The following ZNF385D variants were observed in gnomAD, a reference collection of about 807,000 sequenced individuals.
ZNF385D encodes zinc finger protein 659.
In ZNF385D, 15 loss-of-function variants were observed where a neutral mutation model predicts 35.8. The ratio of observed to expected loss-of-function variants is 0.42; its 90% CI spans 0.28 to 0.64. The LOEUF (loss-of-function observed/expected upper bound fraction) is 0.64, where lower values mean the gene tolerates loss of function less well. Ranked by LOEUF, ZNF385D falls within the 30% of genes least tolerant of loss-of-function variation. The pLI is 0.23. For missense variants in ZNF385D, 474 were observed against 494.6 expected (o/e 0.96, Z 0.39); for synonymous variants, 212 against 186.8 (o/e 1.13, Z -1.10).
intron 1 of ZNF385D, among the ~76,000 whole-genome samples, chr3:21,726,862 A>G (rs941110063): frequency 1.8e-4 from 27 of 152,208 alleles, no homozygotes; most frequent in African/African-American, 6.3e-4. Flanking sequence ...CCGCATAGCC[A>G]AGAGAATTCT....
At chr3:22,322,061 A>C (rs1168012492) in intron 2 of ZNF385D, among the ~76,000 whole-genome samples, 1 of 152,124 alleles carries the variant, frequency 6.6e-6, no homozygotes, top group Middle Eastern at 3.2e-3. Flanking sequence ...TATTTAACCC[A>C]TTTAGGTCTC....
chr3:22,290,668 T>G (rs573837110), intron 2 of ZNF385D, among the ~76,000 whole-genome samples: 1 of 152,230 alleles, frequency 6.6e-6, no homozygotes, highest in East Asian at 1.9e-4. Flanking sequence ...GCTCAATGTC[T>G]TCAACAAAGA....
At chr3:21,834,069 C>A (rs1695170517) in intron 3 of ZNF385D, among the ~76,000 whole-genome samples, 1 of 151,602 alleles carries the variant, frequency 6.6e-6, no homozygotes, top group South Asian at 2.1e-4. Flanking sequence ...GATAGTTAAA[C>A]AAAAAAAGTG....
chr3:21,764,491 C>T (rs188945233), intron 3 of ZNF385D, among the ~76,000 whole-genome samples: 24 of 152,244 alleles, frequency 1.6e-4, no homozygotes, highest in African/African-American at 5.8e-4. Flanking sequence ...ATCTCTGGTA[C>T]AAGCCACAGT....
At chr3:21,516,019 T>A (rs1263535417) in intron 3 of ZNF385D, among the ~76,000 whole-genome samples, 1 of 152,130 alleles carries the variant, frequency 6.6e-6, no homozygotes, top group Non-Finnish European at 1.5e-5. Flanking sequence ...CCAAAACTCA[T>A]GACTCATGAT....
chr3:21,671,704 G>C (rs1468433205), intron 1 of ZNF385D, among the ~76,000 whole-genome samples: 2 of 152,048 alleles, frequency 1.3e-5, no homozygotes. Context: ...GAATCATTTT[G>C]TCAAATTAGT....
At chr3:22,312,011 T>A (rs890078510) in intron 2 of ZNF385D, among the ~76,000 whole-genome samples, 17 of 152,134 alleles carry the variant, frequency 1.1e-4, no homozygotes, top group South Asian at 2.1e-4. Context: ...CCTACAATTA[T>A]TATTTCCTCC....
chr3:21,900,639 T>C (rs1166909584), intron 3 of ZNF385D, among the ~76,000 whole-genome samples: 7 of 152,114 alleles, frequency 4.6e-5, no homozygotes, highest in Non-Finnish European at 1.5e-5. Context: ...CAGACTATAG[T>C]ATGGACTTAA....
At chr3:21,949,978 C>T (rs924085984) in intron 3 of ZNF385D, among the ~76,000 whole-genome samples, 3 of 152,042 alleles carry the variant, frequency 2.0e-5, no homozygotes, top group African/African-American at 4.8e-5. Flanking sequence ...TGGGTTGGTT[C>T]CAAGTCTTTA....
chr3:22,126,325 T>C (rs1703428611), intron 3 of ZNF385D, among the ~76,000 whole-genome samples: 2 of 150,636 alleles, frequency 1.3e-5, no homozygotes, highest in Admixed American at 6.6e-5. Context: ...TTTTTTTTTT[T>C]TTTTTCACTT....
chr3:22,297,296 A>T (rs1041141508), intron 2 of ZNF385D, among the ~76,000 whole-genome samples: 1 of 151,908 alleles, frequency 6.6e-6, no homozygotes, highest in African/African-American at 2.4e-5. Flanking sequence ...ACATATCCCA[A>T]ATCAATCCAT....
chr3:22,170,152 A>G (rs1444297740), intron 2 of ZNF385D, among the ~76,000 whole-genome samples: 1 of 152,204 alleles, frequency 6.6e-6, no homozygotes, highest in Non-Finnish European at 1.5e-5. Context: ...ATTTTAAAGT[A>G]TTTGAAAAAT....
At chr3:21,757,133 T>TTTTTTTTTTTTTTTG (rs1559591175) in intron 3 of ZNF385D, among the ~76,000 whole-genome samples, 1 of 132,470 alleles carries the variant, frequency 7.5e-6, no homozygotes, top group African/African-American at 2.8e-5. Context: ...TTTTTTTTTT[T>TTTTTTTTTTTTTTTG]TTTTTTGTTT....
intron 1 of ZNF385D, among the ~76,000 whole-genome samples, chr3:21,748,379 T>C (rs2069885281): frequency 7.7e-6 from 1 of 129,356 alleles, no homozygotes; most frequent in Admixed American, 1.1e-4. Flanking sequence ...GCAGATAGGC[T>C]GAGCCAGGCT....
At chr3:22,106,115 G>T (rs763983958) in intron 3 of ZNF385D, among the ~76,000 whole-genome samples, 23 of 152,198 alleles carry the variant, frequency 1.5e-4, no homozygotes, top group Middle Eastern at 3.4e-3. Context: ...TGATTTGATA[G>T]GACTAAAGCA....
chr3:22,144,020 C>T (rs1704688180), intron 3 of ZNF385D, among the ~76,000 whole-genome samples: 1 of 151,694 alleles, frequency 6.6e-6, no homozygotes, highest in African/African-American at 2.4e-5. Flanking sequence ...TGAACATGAG[C>T]ATTTTATAGA....
intron 2 of ZNF385D, among the ~76,000 whole-genome samples, chr3:22,194,881 A>G (rs1367121572): frequency 6.6e-6 from 1 of 151,920 alleles, no homozygotes; most frequent in East Asian, 1.9e-4. Flanking sequence ...CACAATTTGC[A>G]TATTCATTCA....
At chr3:21,454,804 T>C (rs1418374813) in intron 4 of ZNF385D, among the ~76,000 whole-genome samples, 1 of 152,334 alleles carries the variant, frequency 6.6e-6, no homozygotes, top group East Asian at 1.9e-4. Context: ...AAATTGTCCC[T>C]GTTTGCAGAT....
chr3:21,935,798 A>G (rs934600624), intron 3 of ZNF385D, among the ~76,000 whole-genome samples: 4 of 152,146 alleles, frequency 2.6e-5, no homozygotes, highest in Non-Finnish European at 5.9e-5. Flanking sequence ...TTCGTTGTGC[A>G]TAACCCGGTG....
Sources: gnomAD v4.1 joint callset for allele counts (sites outside exome capture counted in the v4.1 genomes callset) on GRCh38, gnomAD v4.1.1 for gene constraint, MANE v1.5 for transcripts, NCBI Gene and HGNC (gene_info 2026-07-23, HGNC 2026-07-21) for gene names.